NUP210L: variants seen among roughly 807,000 people sequenced by gnomAD.
NUP210L encodes nuclear pore membrane glycoprotein 210-like.
In NUP210L, 74 loss-of-function variants were observed where a neutral mutation model predicts 208.5. That is an observed-to-expected ratio of 0.35 (90% confidence interval 0.29 to 0.43). The LOEUF is 0.43. Among genes scored for constraint, NUP210L ranks in the 20% least tolerant of loss-of-function variants. The pLI is 1.00. For missense variants in NUP210L, 1,843 were observed against 2,289.4 expected, an observed-to-expected ratio of 0.81 and a Z score of 3.98; for synonymous variants, 780 against 816.9, an observed-to-expected ratio of 0.95 and a Z score of 0.77.
exon 23 of NUP210L, chr1:154,056,864 G>C: frequency 6.2e-7 from 1 of 1,604,110 alleles, no homozygotes; most frequent in South Asian, 1.1e-5. Context: ...CTTGTCCTTG[G>C]CAATAGCCAC....
chr1:154,155,032 G>C (rs549565325), exon 1 of NUP210L: 2 of 1,606,118 alleles, frequency 1.2e-6, no homozygotes, highest in Non-Finnish European at 1.7e-6. Flanking sequence ...GATGACGCCG[G>C]ACAGCCAGTC....
intron 29 of NUP210L, 108 bp downstream of exon 29, chr1:154,027,398 A>T: frequency 1.3e-6 from 1 of 748,752 alleles, no homozygotes; most frequent in South Asian, 1.8e-5. Context: ...ACAAAAAATT[A>T]TTTGGGAAAA....
At chr1:154,153,700 C>T (rs1490567770) in intron 1 of NUP210L, among the ~76,000 whole-genome samples, 1 of 152,190 alleles carries the variant, frequency 6.6e-6, no homozygotes, top group African/African-American at 2.4e-5. Context: ...CCTGCCTTGG[C>T]CTCCCAAAGT....
chr1:154,023,364 A>G, intron 30 of NUP210L, 67 bp from the exon 31 acceptor site: 1 of 1,231,436 alleles, frequency 8.1e-7, no homozygotes, highest in South Asian at 1.5e-5. Context: ...CCATATTCTG[A>G]GACTTATAAT....
chr1:154,045,140 C>T (rs6679280), intron 27 of NUP210L, among the ~76,000 whole-genome samples: 7,988 of 152,086 alleles, frequency 0.053, 726 homozygotes, highest in African/African-American at 0.18. Context: ...GACACCCAGT[C>T]CAGAATCAGC....
chr1:154,147,133 G>A (rs773987473), intron 2 of NUP210L, among the ~76,000 whole-genome samples: 12 of 152,104 alleles, frequency 7.9e-5, no homozygotes, highest in Non-Finnish European at 1.6e-4. Flanking sequence ...GCTTTACAGT[G>A]GAGAAACCTG....
intron 7 of NUP210L, among the ~76,000 whole-genome samples, chr1:154,131,574 A>T (rs180878816): frequency 6.6e-6 from 1 of 152,236 alleles, no homozygotes; most frequent in Non-Finnish European, 1.5e-5. Flanking sequence ...ATCTTAAAAA[A>T]AAAAAGTATT....
chr1:154,053,216 T>G (rs1427545224), intron 25 of NUP210L, among the ~76,000 whole-genome samples: 1 of 152,216 alleles, frequency 6.6e-6, no homozygotes, highest in Non-Finnish European at 1.5e-5. Flanking sequence ...TTGAAGGAGC[T>G]GCAGACAGAT....
intron 16 of NUP210L, among the ~76,000 whole-genome samples, chr1:154,082,439 T>A (rs1217231967): frequency 6.6e-6 from 1 of 152,174 alleles, no homozygotes. Flanking sequence ...CCTGACAGAA[T>A]TGAGGAAGAA....
At chr1:154,007,089 A>G (rs1224775217) in intron 35 of NUP210L, among the ~76,000 whole-genome samples, 1 of 147,392 alleles carries the variant, frequency 6.8e-6, no homozygotes, top group African/African-American at 2.5e-5. Flanking sequence ...CAGCCTCCCA[A>G]ATAGCTGGGA....
intron 25 of NUP210L, among the ~76,000 whole-genome samples, chr1:154,046,982 C>T (rs889443118): frequency 3.3e-5 from 5 of 152,004 alleles, no homozygotes; most frequent in East Asian, 1.9e-4. Context: ...CGTTTGAATC[C>T]GGGAGGCGGA....
At chr1:154,057,616 G>T (rs1191003900) in intron 22 of NUP210L, among the ~76,000 whole-genome samples, 1 of 151,168 alleles carries the variant, frequency 6.6e-6, no homozygotes, top group Non-Finnish European at 1.5e-5. Context: ...TATCATCCAA[G>T]GAGAGGTTTC....
chr1:154,139,753 T>C (rs767091460), intron 5 of NUP210L, 49 bp downstream of exon 5: 2 of 1,436,028 alleles, frequency 1.4e-6, no homozygotes, highest in South Asian at 2.4e-5. Context: ...AGTTAGACCA[T>C]ATCTTGAAAA....
chr1:154,137,531 A>G (rs1658607705), intron 6 of NUP210L, among the ~76,000 whole-genome samples: 1 of 144,188 alleles, frequency 6.9e-6, no homozygotes, highest in Non-Finnish European at 1.5e-5. Context: ...AGCCTGGGTG[A>G]CAGAGAGAGA....
At chr1:154,128,011 A>G (rs1162686459) in intron 8 of NUP210L, among the ~76,000 whole-genome samples, 4 of 152,160 alleles carry the variant, frequency 2.6e-5, no homozygotes, top group African/African-American at 9.6e-5. Flanking sequence ...CTACAGGCTT[A>G]GAACACTGCG....
At chr1:154,045,918 G>A (rs1031480918) in intron 27 of NUP210L, 151 bp downstream of exon 27, 1 of 627,198 alleles carries the variant, frequency 1.6e-6, no homozygotes, top group African/African-American at 1.8e-5. Context: ...CTAGGAGGTG[G>A]AGGTTGCAGT....
At chr1:154,089,744 C>T (rs1230282624) in intron 15 of NUP210L, 150 bp from the exon 16 acceptor site, 1 of 637,602 alleles carries the variant, frequency 1.6e-6, no homozygotes, top group Admixed American at 2.9e-5. Flanking sequence ...CATTATAGTT[C>T]TTAATTATCT....
At chr1:153,999,703 C>T (rs990637195) in intron 37 of NUP210L, among the ~76,000 whole-genome samples, 26 of 131,252 alleles carry the variant, frequency 2.0e-4, no homozygotes, top group African/African-American at 7.6e-4. Flanking sequence ...CGACATTGCA[C>T]TCCAGCCTGG....
At chr1:154,061,603 C>T (rs1221900569) in exon 18 of NUP210L, 1 of 1,593,382 alleles carries the variant, frequency 6.3e-7, no homozygotes, top group Admixed American at 1.7e-5. Flanking sequence ...CTTTTCTTCT[C>T]TGAATAGCCC....
Sources: allele counts gnomAD v4.1 joint callset (sites outside exome capture counted in the v4.1 genomes callset), GRCh38; gene constraint gnomAD v4.1.1; transcripts MANE v1.5; gene names NCBI Gene and HGNC (gene_info 2026-07-23, HGNC 2026-07-21).